Variants in DAB1 observed in about 807,000 individuals in gnomAD.
DAB1 encodes the protein DAB adaptor protein 1.
DAB1 carries 15 observed loss-of-function variants against 64.6 expected under a neutral mutation model. The observed-to-expected ratio is 0.23, with a 90% CI of 0.16 to 0.36. The LOEUF (loss-of-function observed/expected upper bound fraction) is 0.36, where lower values mean the gene tolerates loss of function less well. DAB1 is among the 10% of genes least tolerant of loss of function. The pLI, the probability that DAB1 is intolerant of heterozygous loss-of-function variation, is 1.00. For missense variants in DAB1, 596 were observed against 706.7 expected (o/e 0.84, Z 1.78); for synonymous variants, 235 against 251.9 (o/e 0.93, Z 0.64).
chr1:58,434,987 C>T (rs1644925803), intron 3 of DAB1, among the ~76,000 whole-genome samples: 1 of 152,196 alleles, frequency 6.6e-6, no homozygotes, highest in African/African-American at 2.4e-5. Context: ...TCCCTGAGCA[C>T]TCCTATGTTC....
chr1:57,280,865 A>G (rs1057311692), intron 2 of DAB1, among the ~76,000 whole-genome samples: 27 of 152,190 alleles, frequency 1.8e-4, no homozygotes, highest in African/African-American at 6.3e-4. Context: ...ACATTATATA[A>G]TAATTAATTC....
intron 7 of DAB1, among the ~76,000 whole-genome samples, chr1:57,471,705 T>C (rs1371853031): frequency 6.6e-6 from 1 of 152,188 alleles, no homozygotes; most frequent in Non-Finnish European, 1.5e-5. Context: ...TTGTGAGGCC[T>C]CCCCAGCCAC....
At chr1:57,502,073 C>A (rs1055616058) in intron 7 of DAB1, among the ~76,000 whole-genome samples, 1 of 152,006 alleles carries the variant, frequency 6.6e-6, no homozygotes, top group African/African-American at 2.4e-5. Context: ...GAAATCCCAG[C>A]ACTTTGGGAG....
At chr1:57,759,411 T>C (rs970994893) in intron 6 of DAB1, among the ~76,000 whole-genome samples, 1 of 152,218 alleles carries the variant, frequency 6.6e-6, no homozygotes, top group African/African-American at 2.4e-5. Context: ...AGCTTAATTA[T>C]GTGCATATTA....
intron 1 of DAB1, chr1:58,538,921 A>G (rs1235053145): frequency 3.4e-6 from 3 of 872,918 alleles, no homozygotes; most frequent in Non-Finnish European, 6.0e-6. Context: ...AGCAGGGCTT[A>G]GAGGATGCAA....
intron 12 of DAB1, among the ~76,000 whole-genome samples, chr1:57,012,601 A>T (rs1418291836): frequency 1.3e-5 from 2 of 152,216 alleles, no homozygotes; most frequent in Non-Finnish European, 2.9e-5. Context: ...CAGAGGATAT[A>T]AAGACTGGTT....
intron 2 of DAB1, among the ~76,000 whole-genome samples, chr1:57,156,504 T>C (rs1660237231): frequency 6.6e-6 from 1 of 152,138 alleles, no homozygotes; most frequent in African/African-American, 2.4e-5. Flanking sequence ...ATCTGCTGAA[T>C]AACTGAAAAA....
At chr1:57,016,591 C>CT (rs1474463375) in intron 11 of DAB1, among the ~76,000 whole-genome samples, 1 of 147,626 alleles carries the variant, frequency 6.8e-6, no homozygotes, top group Non-Finnish European at 1.5e-5. Flanking sequence ...ACACTTGTCT[C>CT]TAAAAAAAAA....
chr1:57,692,459 G>A (rs1295030854), intron 6 of DAB1, among the ~76,000 whole-genome samples: 2 of 151,714 alleles, frequency 1.3e-5, no homozygotes, highest in East Asian at 3.9e-4. Context: ...AGGAAGAGAT[G>A]GACAAAGAAG....
intron 3 of DAB1, among the ~76,000 whole-genome samples, chr1:58,500,874 A>G (rs1645895861): frequency 6.6e-6 from 1 of 152,210 alleles, no homozygotes; most frequent in South Asian, 2.1e-4. Flanking sequence ...TCTTATTCAC[A>G]TCTATTCATA....
At chr1:57,907,887 A>G (rs926084700) in intron 5 of DAB1, among the ~76,000 whole-genome samples, 3 of 149,268 alleles carry the variant, frequency 2.0e-5, no homozygotes, top group African/African-American at 7.5e-5. Context: ...ACACATACAC[A>G]TTAATAACAT....
At chr1:57,921,771 C>T (rs1644810596) in intron 5 of DAB1, among the ~76,000 whole-genome samples, 1 of 152,134 alleles carries the variant, frequency 6.6e-6, no homozygotes, top group South Asian at 2.1e-4. Context: ...AGGAAATCCT[C>T]TGCTTAAAAT....
At chr1:58,203,634 G>A (rs1027649946) in intron 4 of DAB1, among the ~76,000 whole-genome samples, 1 of 152,174 alleles carries the variant, frequency 6.6e-6, no homozygotes, top group African/African-American at 2.4e-5. Flanking sequence ...TGATTTAGTA[G>A]ACATGAATGG....
At chr1:58,212,492 G>C (rs977826609) in intron 4 of DAB1, among the ~76,000 whole-genome samples, 2 of 152,068 alleles carry the variant, frequency 1.3e-5, no homozygotes, top group Admixed American at 1.3e-4. Flanking sequence ...TTCTGTCTGA[G>C]GCCTTGACAT....
At chr1:57,004,684 C>A (rs1055066838) in intron 14 of DAB1, among the ~76,000 whole-genome samples, 7 of 152,112 alleles carry the variant, frequency 4.6e-5, no homozygotes, top group African/African-American at 1.7e-4. Context: ...CATTCCTTGG[C>A]TTGACAAATG....
intron 7 of DAB1, among the ~76,000 whole-genome samples, chr1:57,452,166 C>CCTTTTTTTTT (rs367685387): frequency 9.3e-5 from 7 of 75,016 alleles, no homozygotes; most frequent in East Asian, 5.4e-4. Flanking sequence ...TGCACCCCCC[C>CCTTTTTTTTT]TTTTTTTTTT....
intron 5 of DAB1, among the ~76,000 whole-genome samples, chr1:57,932,250 A>C (rs1001042197): frequency 1.3e-5 from 2 of 152,168 alleles, no homozygotes; most frequent in African/African-American, 4.8e-5. Flanking sequence ...TTTATGGCCC[A>C]GAATATTTTC....
At chr1:57,533,412 A>G (rs181799765) in intron 7 of DAB1, among the ~76,000 whole-genome samples, 2 of 151,806 alleles carry the variant, frequency 1.3e-5, no homozygotes, top group East Asian at 1.9e-4. Context: ...TTACTTTTTA[A>G]TGCTTTCCCA....
chr1:58,074,049 T>C (rs1202173166), intron 5 of DAB1, among the ~76,000 whole-genome samples: 2 of 152,188 alleles, frequency 1.3e-5, no homozygotes, highest in African/African-American at 4.8e-5. Flanking sequence ...TGAGTTCTTC[T>C]ATCCTTCTGG....
Sources: gnomAD v4.1 joint callset for allele counts (sites outside exome capture counted in the v4.1 genomes callset) on GRCh38, gnomAD v4.1.1 for gene constraint, MANE v1.5 for transcripts, NCBI Gene and HGNC (gene_info 2026-07-23, HGNC 2026-07-21) for gene names.